Variants in PLCB1 observed in about 807,000 individuals in gnomAD.
PLCB1 encodes 1-phosphatidylinositol 4,5-bisphosphate phosphodiesterase beta-1.
PLCB1 carries 46 observed loss-of-function variants against 161.8 expected under a neutral mutation model. That is an observed-to-expected ratio of 0.28 (90% CI 0.22 to 0.36). The LOEUF is 0.36. PLCB1 is among the 10% of genes least tolerant of loss of function. The pLI is 1.00. For synonymous variants in PLCB1, 517 were observed against 503.7 expected (o/e 1.03, Z -0.35); for missense variants, 1,016 against 1,472.5 (o/e 0.69, Z 5.07).
chr20:8,658,674 T>C lies in PLCB1; in HGVS notation c.832T>C (p.Tyr278His), dbSNP rs1282583428. 6.2e-7 allele frequency: 1 copy of C among 1,609,304 alleles called. No individual in the cohort carries two copies. Among genetic ancestry groups the C allele is most frequent in the Non-Finnish European group, 8.5e-7 (1 of 1,178,522 alleles). The part of the protein sequence containing the change: ...QEQVQVLIEK[Y>H]EPNNSLARKG... Reference sequence around the variant, plus strand: ...GCAAGTCCAAGTATTGATTGAGAAGTATGAACCCAACAACAGCCTCGCCAG... The same window carrying C: ...GCAAGTCCAAGTATTGATTGAGAAGCATGAACCCAACAACAGCCTCGCCAG... Residue 278 changes from tyrosine to histidine, a missense_variant, in exon 9 of 32, where the codon TAT (tyrosine) becomes CAT (histidine). Coordinates refer to ENST00000338037, the MANE Select transcript of PLCB1 (RefSeq NM_015192.4).
rs188816282 is a variant in PLCB1, at chr20:8,670,563, A to G, written c.862+11859A>G. 1.1e-3 allele frequency among the ~76,000 whole-genome samples: 171 copies of G among 152,368 alleles called. 2 individuals carry two copies. The highest frequency in any genetic ancestry group is 4.0e-3 in the African/African-American group (167 of 41,594). On this transcript the variant is annotated intron_variant, in intron 9 of 31. Transcript: ENST00000338037. Reference sequence around the variant, plus strand: ...TTATGGTAATAGCACAGTTTTTGCAATCAAGATGGAATAACAATATATGAC... The same window carrying G: ...TTATGGTAATAGCACAGTTTTTGCAGTCAAGATGGAATAACAATATATGAC...
intron 3 of PLCB1, among the ~76,000 whole-genome samples, chr20:8,534,101 C>T (rs1984945763): frequency 6.6e-6 from 1 of 152,110 alleles, no homozygotes; most frequent in South Asian, 2.1e-4. Context: ...AATATTCCTT[C>T]TGTGACAGAC....
At chr20:8,562,944 A>G (rs1986189599) in intron 3 of PLCB1, among the ~76,000 whole-genome samples, 2 of 152,034 alleles carry the variant, frequency 1.3e-5, no homozygotes, top group Admixed American at 6.6e-5. Context: ...TTTATGAAAT[A>G]CCTGTTTGCT....
chr20:8,193,900 AT>A (rs2051996512), intron 2 of PLCB1, among the ~76,000 whole-genome samples: 3 of 151,970 alleles, frequency 2.0e-5, no homozygotes, highest in African/African-American at 7.2e-5. Context: ...CTGTTAAGCT[AT>A]GAGGGTCTTT....
intron 1 of PLCB1, among the ~76,000 whole-genome samples, chr20:8,136,823 T>C (rs1158882672): frequency 6.6e-6 from 1 of 152,152 alleles, no homozygotes; most frequent in Non-Finnish European, 1.5e-5. Flanking sequence ...CTTTTAAAAA[T>C]CCAGGTGTTT....
intron 31 of PLCB1, among the ~76,000 whole-genome samples, chr20:8,844,926 T>C (rs6086638): frequency 0.33 from 49,668 of 151,226 alleles, 8,914 homozygotes; most frequent in East Asian, 0.63. Flanking sequence ...CTGGCTAACA[T>C]GGTGAAACCC....
At chr20:8,554,088 A>AT (rs1185956409) in intron 3 of PLCB1, among the ~76,000 whole-genome samples, 1 of 151,986 alleles carries the variant, frequency 6.6e-6, no homozygotes, top group Non-Finnish European at 1.5e-5. Context: ...TAAGGAAAAA[A>AT]AAAAAACAGT....
chr20:8,394,760 G>A (rs1202831965), intron 3 of PLCB1, among the ~76,000 whole-genome samples: 1 of 152,050 alleles, frequency 6.6e-6, no homozygotes, highest in Non-Finnish European at 1.5e-5. Flanking sequence ...TTAAACTCTT[G>A]GTTGCATCAT....
chr20:8,787,860 A>G (rs559450785), intron 27 of PLCB1, among the ~76,000 whole-genome samples: 15 of 152,366 alleles, frequency 9.8e-5, no homozygotes, highest in East Asian at 9.7e-4. Flanking sequence ...GATGTTCTTT[A>G]TATCTACTGG....
chr20:8,294,084 A>G (rs1457572405), intron 2 of PLCB1, among the ~76,000 whole-genome samples: 1 of 152,186 alleles, frequency 6.6e-6, no homozygotes, highest in African/African-American at 2.4e-5. Flanking sequence ...TTAATGCAGA[A>G]GTCATTTTCT....
intron 2 of PLCB1, among the ~76,000 whole-genome samples, chr20:8,239,909 A>G (rs990876030): frequency 1.3e-5 from 2 of 152,008 alleles, no homozygotes; most frequent in Non-Finnish European, 2.9e-5. Context: ...TTGGGTACAA[A>G]TCTATAAAAC....
chr20:8,848,808 A>T (rs558973453), intron 31 of PLCB1, among the ~76,000 whole-genome samples: 4 of 152,354 alleles, frequency 2.6e-5, no homozygotes, highest in South Asian at 4.1e-4. Flanking sequence ...TTCTGATGTC[A>T]GTTGTCCACA....
At chr20:8,179,911 T>C (rs2051822599) in intron 2 of PLCB1, among the ~76,000 whole-genome samples, 1 of 125,956 alleles carries the variant, frequency 7.9e-6, no homozygotes, top group Non-Finnish European at 1.6e-5. Flanking sequence ...CAGGCTGGAG[T>C]GCAGTGGCGG....
chr20:8,177,425 A>G (rs1460912786), intron 2 of PLCB1, among the ~76,000 whole-genome samples: 1 of 152,138 alleles, frequency 6.6e-6, no homozygotes, highest in Non-Finnish European at 1.5e-5. Flanking sequence ...TTTTGTTATA[A>G]TAGCCTACCT....
At chr20:8,783,570 T>C (rs1983340010) in intron 27 of PLCB1, among the ~76,000 whole-genome samples, 1 of 152,226 alleles carries the variant, frequency 6.6e-6, no homozygotes, top group African/African-American at 2.4e-5. Flanking sequence ...TTTATCCTTA[T>C]TCTTTTGATT....
At chr20:8,557,923 G>T (rs1479293846) in intron 3 of PLCB1, among the ~76,000 whole-genome samples, 1 of 151,778 alleles carries the variant, frequency 6.6e-6, no homozygotes, top group Non-Finnish European at 1.5e-5. Flanking sequence ...GGAAAAAAAT[G>T]AACAACTCTC....
chr20:8,788,393 A>G (rs1568599776), intron 27 of PLCB1, 56 bp from the exon 28 acceptor site: 2 of 1,507,698 alleles, frequency 1.3e-6, no homozygotes, highest in Non-Finnish European at 1.8e-6. Context: ...GGGAGGTGGG[A>G]AGGAAGCTCT....
chr20:8,793,409 G>A (rs1189042844), intron 31 of PLCB1, among the ~76,000 whole-genome samples: 1 of 152,130 alleles, frequency 6.6e-6, no homozygotes, highest in African/African-American at 2.4e-5. Flanking sequence ...AATCTGCCCC[G>A]ATATTCACGT....
chr20:8,409,167 G>A (rs1055962315), intron 3 of PLCB1, among the ~76,000 whole-genome samples: 4 of 152,172 alleles, frequency 2.6e-5, no homozygotes, highest in Admixed American at 1.3e-4. Context: ...GGCTAAGGGA[G>A]AGAAAGTGTG....
Sources: gnomAD v4.1 joint callset for allele counts (sites outside exome capture counted in the v4.1 genomes callset) on GRCh38, gnomAD v4.1.1 for gene constraint, MANE v1.5 for transcripts, NCBI Gene and HGNC (gene_info 2026-07-23, HGNC 2026-07-21) for gene names.